Variants in MALRD1 observed in about 807,000 individuals in gnomAD.
MALRD1 encodes the protein MAM and LDL-receptor class A domain-containing protein 1.
A neutral mutation model predicts 242.1 loss-of-function variants in MALRD1; 247 were observed. The observed-to-expected ratio is 1.02, with a 90% confidence interval of 0.92 to 1.13. The LOEUF is 1.13. Ranked by LOEUF, MALRD1 falls within the 50% of genes most tolerant of loss-of-function variation. The pLI is 0.00. For missense variants in MALRD1, 2,989 were observed against 2,533.1 expected (o/e 1.18, Z -3.86); for synonymous variants, 995 against 866.6 (o/e 1.15, Z -2.60).
At chr10:19,371,735 C>G (rs1564602441) in intron 26 of MALRD1, among the ~76,000 whole-genome samples, 1 of 152,118 alleles carries the variant, frequency 6.6e-6, no homozygotes, top group Non-Finnish European at 1.5e-5. Context: ...ATTATATTCA[C>G]TCATAGTATG....
chr10:19,613,564 G>C (rs1377724720), intron 35 of MALRD1, among the ~76,000 whole-genome samples: 3 of 151,804 alleles, frequency 2.0e-5, no homozygotes, highest in Non-Finnish European at 2.9e-5. Flanking sequence ...TTTAGTTCAG[G>C]CAACCATTAT....
chr10:19,314,426 T>C (rs908855813), intron 21 of MALRD1, among the ~76,000 whole-genome samples: 1 of 151,518 alleles, frequency 6.6e-6, no homozygotes, highest in East Asian at 1.9e-4. Flanking sequence ...GTTATAAGTG[T>C]GCCCAGAAGA....
chr10:19,710,834 C>T lies in MALRD1; in HGVS notation c.6314+18280C>T, dbSNP rs538269283. On this transcript the variant is annotated intron_variant, in intron 38 of 39. Transcript: ENST00000454679. ...AAATCTTACACAGCAAGAAGACAAC[C>T]TTTCAGTCTCTGACATTGCTGGGTT... is the stretch of plus-strand genomic sequence containing the variant. 5 of 152,310 alleles carry T rather than the reference C, an allele frequency of 3.3e-5. No homozygotes were observed. In the South Asian group the frequency reaches 8.3e-4, roughly 25 times the overall value. The allele number at this position is 152,310 out of a possible 1,614,324, so 9.4% of individuals were successfully genotyped here. A position where few individuals can be genotyped will look rare whatever the true frequency, so the allele number is the denominator to read the frequency against.
intron 28 of MALRD1, among the ~76,000 whole-genome samples, chr10:19,449,962 T>C (rs1437775626): frequency 6.6e-6 from 1 of 152,212 alleles, no homozygotes; most frequent in African/African-American, 2.4e-5. Flanking sequence ...TGGGTAAAAC[T>C]AGTTTTAGAG....
At chr10:19,485,545 A>G (rs1837197116) in intron 29 of MALRD1, among the ~76,000 whole-genome samples, 1 of 151,956 alleles carries the variant, frequency 6.6e-6, no homozygotes, top group Middle Eastern at 3.2e-3. Context: ...GGGGAGGCTG[A>G]GGCAGGAGAA....
At chr10:19,470,745 A>T (rs1244441477) in intron 29 of MALRD1, among the ~76,000 whole-genome samples, 1 of 149,648 alleles carries the variant, frequency 6.7e-6, no homozygotes, top group Non-Finnish European at 1.5e-5. Context: ...GAAAATGTCC[A>T]TTCAGGGTCT....
chr10:19,481,068 A>G (rs1836975280), intron 29 of MALRD1, among the ~76,000 whole-genome samples: 1 of 152,208 alleles, frequency 6.6e-6, no homozygotes, highest in African/African-American at 2.4e-5. Context: ...CATACAGTTT[A>G]TGAAGTCATC....
chr10:19,110,969 A>G (rs764339865), intron 5 of MALRD1, among the ~76,000 whole-genome samples: 8 of 152,218 alleles, frequency 5.3e-5, no homozygotes, highest in African/African-American at 7.2e-5. Context: ...CTGTATTTGC[A>G]TTACAAATTT....
chr10:19,604,638 G>A (rs927521426), intron 34 of MALRD1, among the ~76,000 whole-genome samples: 2 of 152,136 alleles, frequency 1.3e-5, no homozygotes, highest in South Asian at 2.1e-4. Flanking sequence ...ACTGAACAAC[G>A]GATTTTCAGT....
intron 29 of MALRD1, among the ~76,000 whole-genome samples, chr10:19,480,995 AT>A (rs1449087777): frequency 3.3e-5 from 5 of 152,208 alleles, no homozygotes; most frequent in African/African-American, 1.2e-4. Flanking sequence ...TAAAGATAAA[AT>A]GAGTTTCATG....
chr10:19,259,214 T>C lies in MALRD1; in HGVS notation c.3079+1443T>C, dbSNP rs959268169. Among the ~76,000 whole-genome samples the C allele has an allele frequency of 2.0e-5, 3 of 152,280 alleles. No individual in the cohort carries two copies. In the East Asian group the frequency reaches 5.8e-4, roughly 30 times the overall value. The stretch of plus-strand genomic sequence containing the variant: ...CTAATGATAGCTTCCAAGGAATAAA[T>C]GACTAACCCCTTATACCTCTTGAAT... On this transcript the variant is annotated intron_variant, in intron 19 of 39. Transcript: ENST00000454679.
intron 2 of MALRD1, among the ~76,000 whole-genome samples, chr10:19,084,548 T>A (rs1835604097): frequency 6.6e-6 from 1 of 151,846 alleles, no homozygotes; most frequent in Non-Finnish European, 1.5e-5. Context: ...CACATTCAGG[T>A]CCATTAATCT....
chr10:19,339,821 T>C (rs1440908497), intron 24 of MALRD1, among the ~76,000 whole-genome samples: 1 of 152,154 alleles, frequency 6.6e-6, no homozygotes, highest in Non-Finnish European at 1.5e-5. Flanking sequence ...TATAAAGACA[T>C]ATTTGAGACT....
At chr10:19,306,098 C>CTATATACTATATATACTATA (rs1564546822) in intron 21 of MALRD1, among the ~76,000 whole-genome samples, 1 of 101,162 alleles carries the variant, frequency 9.9e-6, no homozygotes, top group African/African-American at 4.8e-5. Flanking sequence ...ATACTATATA[C>CTATATACTATATATACTATA]TAGATAGTAT....
At chr10:19,130,956 A>G (rs926386295) in intron 8 of MALRD1, among the ~76,000 whole-genome samples, 1 of 152,174 alleles carries the variant, frequency 6.6e-6, no homozygotes, top group African/African-American at 2.4e-5. Flanking sequence ...GAAGTTAATC[A>G]TAGGGAAATG....
At chr10:19,390,625 A>G (rs1464605987) in intron 28 of MALRD1, among the ~76,000 whole-genome samples, 1 of 152,148 alleles carries the variant, frequency 6.6e-6, no homozygotes, top group Admixed American at 6.6e-5. Flanking sequence ...ATCTAGGTAG[A>G]ATTCCAAGAA....
intron 14 of MALRD1, among the ~76,000 whole-genome samples, chr10:19,193,978 T>C (rs1304538654): frequency 1.3e-5 from 2 of 151,898 alleles, no homozygotes; most frequent in African/African-American, 4.8e-5. Flanking sequence ...AATAGTAGGG[T>C]CTTTTACGAA....
intron 12 of MALRD1, 81 bp downstream of exon 12, chr10:19,155,253 C>T (rs9417900): frequency 0.26 from 179,397 of 682,108 alleles, 25,658 homozygotes; most frequent in South Asian, 0.46. Context: ...AGTAATTGCC[C>T]GCCATGTTTT....
intron 4 of MALRD1, among the ~76,000 whole-genome samples, chr10:19,094,900 A>T (rs1322868494): frequency 6.6e-6 from 1 of 152,218 alleles, no homozygotes; most frequent in East Asian, 1.9e-4. Context: ...AATGATTATT[A>T]CCAGTTCTTG....
Sources: gnomAD v4.1 joint callset for allele counts (sites outside exome capture counted in the v4.1 genomes callset) on GRCh38, gnomAD v4.1.1 for gene constraint, MANE v1.5 for transcripts, NCBI Gene and HGNC (gene_info 2026-07-23, HGNC 2026-07-21) for gene names.